Variants in STK32B observed in about 807,000 individuals in gnomAD.
STK32B encodes serine/threonine kinase 32B.
In STK32B, 43 loss-of-function variants were observed where a neutral mutation model predicts 52.6. The ratio of observed to expected loss-of-function variants is 0.82; its 90% CI spans 0.64 to 1.05. The LOEUF (loss-of-function observed/expected upper bound fraction) is 1.05. Ranked by LOEUF, STK32B falls within the 50% of genes least tolerant of loss-of-function variation. STK32B has a pLI of 0.00. For synonymous variants in STK32B, 238 were observed against 204.3 expected (o/e 1.17, Z -1.41); for missense variants, 621 against 534.6 (o/e 1.16, Z -1.59).
chr4:5,367,183 G>C (rs530632973), intron 4 of STK32B, among the ~76,000 whole-genome samples: 5 of 152,116 alleles, frequency 3.3e-5, no homozygotes, highest in Admixed American at 1.3e-4. Context: ...CGGGCCTTTC[G>C]TAAGACATTG....
intron 1 of STK32B, among the ~76,000 whole-genome samples, chr4:5,071,086 C>G (rs973108991): frequency 6.6e-6 from 1 of 152,130 alleles, no homozygotes; most frequent in African/African-American, 2.4e-5. Flanking sequence ...GCACAGGTTG[C>G]AGGTCCCTGA....
intron 5 of STK32B, among the ~76,000 whole-genome samples, chr4:5,405,778 C>A (rs1737620561): frequency 1.3e-5 from 2 of 152,276 alleles, no homozygotes; most frequent in South Asian, 4.1e-4. Flanking sequence ...CCCTTAGGAT[C>A]CAATCACCTC....
intron 3 of STK32B, among the ~76,000 whole-genome samples, chr4:5,221,494 T>C (rs1723535617): frequency 6.6e-6 from 1 of 152,184 alleles, no homozygotes; most frequent in Non-Finnish European, 1.5e-5. Flanking sequence ...AGATAATCTG[T>C]CTTTTCAGGG....
chr4:5,423,897 G>A (rs796151865), intron 6 of STK32B, among the ~76,000 whole-genome samples: 19 of 152,206 alleles, frequency 1.2e-4, no homozygotes, highest in African/African-American at 2.9e-4. Flanking sequence ...AAGCCCCGCC[G>A]CCCCCTTGTG....
rs1210167092 is a variant in STK32B at position 5,249,483 on chromosome 4, CT to C, written c.260+81035del. On this transcript the variant is annotated intron_variant, in intron 3 of 11. Transcript: ENST00000282908. ...CCTTCCTTCCTTCCTTCCTTCCTTC[CT>C]TCCTTCCTTCCTTCCTTCCTCCCTC... is the stretch of plus-strand genomic sequence containing the variant. Among the ~76,000 whole-genome samples the C allele has an allele frequency of 7.4e-4, 105 of 142,098 alleles. 1 individual carries two copies. Among genetic ancestry groups the C allele is most frequent in the Non-Finnish European group, 1.4e-3 (91 of 66,520 alleles). The allele number at this position is 142,098 out of a possible 152,430, so 93.2% of individuals were successfully genotyped here. A position where few individuals can be genotyped will look rare whatever the true frequency, so the allele number is the denominator to read the frequency against.
At chr4:5,438,479 A>G (rs1378013077) in intron 6 of STK32B, among the ~76,000 whole-genome samples, 2 of 152,234 alleles carry the variant, frequency 1.3e-5, no homozygotes, top group Non-Finnish European at 2.9e-5. Context: ...CTGATCGTTC[A>G]TGAGGCTGAG....
intron 1 of STK32B, among the ~76,000 whole-genome samples, chr4:5,090,373 T>G (rs1213969686): frequency 2.5e-4 from 34 of 133,442 alleles, no homozygotes; most frequent in Non-Finnish European, 4.9e-5. Flanking sequence ...AATCCATCTT[T>G]TTTTTTTTTT....
chr4:5,173,684 T>C (rs571145277), intron 3 of STK32B, among the ~76,000 whole-genome samples: 1 of 152,336 alleles, frequency 6.6e-6, no homozygotes, highest in East Asian at 1.9e-4. Flanking sequence ...TGTTATAGTT[T>C]CTGTTCTTTT....
At position 5,333,725 on chromosome 4, in the gene STK32B, A is replaced by G. The variant is rs1732431686; in HGVS notation, c.434+2332A>G. On this transcript the variant is annotated intron_variant, in intron 4 of 11. Coordinates refer to ENST00000282908, the MANE Select transcript of STK32B (RefSeq NM_018401.3). Reference sequence around the variant, plus strand: ...GCCAGTTTTCCCAGCACCATTTATTAAATAGGGAATCCTTTCCCCATTGCT... The same window carrying G: ...GCCAGTTTTCCCAGCACCATTTATTGAATAGGGAATCCTTTCCCCATTGCT... 7.9e-5 allele frequency among the ~76,000 whole-genome samples: 12 copies of G among 152,324 alleles called. No homozygotes were observed. The South Asian group carries it at 2.5e-3, about 32-fold the overall frequency.
chr4:5,042,041 T>C, the STK32B span, among the ~76,000 whole-genome samples: 10 of 152,204 alleles, frequency 6.6e-5, no homozygotes, highest in African/African-American at 2.2e-4. Flanking sequence ...TAAAATTAAA[T>C]GTTACGGCTT....
intron 4 of STK32B, among the ~76,000 whole-genome samples, chr4:5,357,187 C>G (rs553460200): frequency 6.6e-6 from 1 of 151,566 alleles, no homozygotes; most frequent in South Asian, 2.1e-4. Context: ...CAAGTTCTTT[C>G]TGCCCTGGCA....
intron 7 of STK32B, 63 bp from the exon 8 acceptor site, chr4:5,456,744 A>C (rs904816893): frequency 7.3e-7 from 1 of 1,376,942 alleles, no homozygotes; most frequent in Non-Finnish European, 9.9e-7. Flanking sequence ...TACAATCTTA[A>C]AATGCGGACG....
intron 1 of STK32B, among the ~76,000 whole-genome samples, chr4:5,086,766 A>T (rs1245200691): frequency 2.0e-5 from 3 of 152,214 alleles, no homozygotes; most frequent in Non-Finnish European, 4.4e-5. Context: ...AACTCTGTGG[A>T]GGCCAGAAGG....
intron 3 of STK32B, among the ~76,000 whole-genome samples, chr4:5,233,499 G>A (rs1724417646): frequency 1.3e-5 from 2 of 152,058 alleles, no homozygotes; most frequent in African/African-American, 2.4e-5. Flanking sequence ...TGAGGTCCAA[G>A]TTCAAGTAGA....
At chr4:5,050,209 C>T (rs1741709062), upstream of STK32B, among the ~76,000 whole-genome samples, 1 of 152,086 alleles carries the variant, frequency 6.6e-6, no homozygotes, top group Non-Finnish European at 1.5e-5. Context: ...TATTATATGC[C>T]GGGCACTGTT....
At chr4:5,442,910 T>G (rs1375699215) in intron 6 of STK32B, among the ~76,000 whole-genome samples, 1 of 152,038 alleles carries the variant, frequency 6.6e-6, no homozygotes, top group Non-Finnish European at 1.5e-5. Flanking sequence ...AATTCTTTTC[T>G]TTAAGAATGT....
At chr4:5,191,193 C>T (rs6849455) in intron 3 of STK32B, among the ~76,000 whole-genome samples, 19,162 of 151,848 alleles carry the variant, frequency 0.13, 1,546 homozygotes, top group African/African-American at 0.22. Context: ...TCCTTAGGGT[C>T]ACTTGGGGGC....
rs148214349 is a variant in STK32B at position 5,135,439 on chromosome 4, G to T, written c.53-4466G>T. Among the ~76,000 whole-genome samples the T allele has an allele frequency of 7.4e-3, 1,121 of 152,278 alleles. 5 individuals are homozygous for T. Among genetic ancestry groups the T allele is most frequent in the Non-Finnish European group, 0.012 (830 of 68,030 alleles). ...GGCCTCTTAGTAAAATGACAGTGGG[G>T]CTGGAAATTTAACAATAAAATAGTT... On this transcript the variant is annotated intron_variant, in intron 1 of 11. Coordinates refer to ENST00000282908, the MANE Select transcript of STK32B (RefSeq NM_018401.3).
intron 1 of STK32B, among the ~76,000 whole-genome samples, chr4:5,075,546 A>G (rs1184623858): frequency 6.6e-6 from 1 of 152,068 alleles, no homozygotes; most frequent in Non-Finnish European, 1.5e-5. Flanking sequence ...CCTTGTGCCC[A>G]ATTTTATTTT....
Sources: allele counts gnomAD v4.1 joint callset (sites outside exome capture counted in the v4.1 genomes callset), GRCh38; gene constraint gnomAD v4.1.1; transcripts MANE v1.5; gene names NCBI Gene and HGNC (gene_info 2026-07-23, HGNC 2026-07-21).